Variants in RSRC2 observed in about 807,000 individuals in gnomAD.
RSRC2 encodes arginine/serine-rich coiled-coil protein 2.
In RSRC2, 5 loss-of-function variants were observed where a neutral mutation model predicts 61.3. The ratio of observed to expected loss-of-function variants is 0.08; its 90% CI spans 0.04 to 0.17. The LOEUF (loss-of-function observed/expected upper bound fraction) is 0.17, where lower values mean the gene tolerates loss of function less well. Ranked by LOEUF, RSRC2 falls within the 10% of genes least tolerant of loss-of-function variation. The pLI, the probability that RSRC2 is intolerant of heterozygous loss-of-function variation, is 1.00. For synonymous variants in RSRC2, 202 were observed against 166.5 expected (o/e 1.21, Z -1.64); for missense variants, 381 against 518.8 (o/e 0.73, Z 2.58).
chr12:122,511,139 C>T lies in RSRC2; in HGVS notation c.775G>A (p.Glu259Lys). The change falls in exon 7 of 10, where the codon GAA becomes AAA. Residue 259 changes from glutamate (E) to lysine (K), a missense_variant. Physicochemically the swap from Glu to Lys is moderately conservative, Grantham distance 56. Coordinates refer to ENST00000331738, the MANE Select transcript of RSRC2 (RefSeq NM_023012.6). ...LQEQREKEMV[E>K]KQKQQEIAAA... ...GCTATTTCTTGTTGTTTTTGTTTTT[C>T]AACCATTTCCTTTTCTCGCTGTTCT... is the stretch of plus-strand genomic sequence containing the variant. 1 of 1,607,140 alleles carries T rather than the reference C, an allele frequency of 6.2e-7. No individual in the cohort carries two copies. The highest frequency in any genetic ancestry group is 1.1e-5 in the South Asian group (1 of 90,316).
At chr12:122,525,371 C>A (rs183823041) in intron 1 of RSRC2, among the ~76,000 whole-genome samples, 4 of 152,012 alleles carry the variant, frequency 2.6e-5, no homozygotes, top group Admixed American at 2.6e-4. Flanking sequence ...AGCAAAACTC[C>A]GTCTCGAAAA....
At chr12:122,515,306 A>T in intron 5 of RSRC2, 79 bp from the exon 6 acceptor site, 1 of 1,404,494 alleles carries the variant, frequency 7.1e-7, no homozygotes, top group East Asian at 2.3e-5. Context: ...ATTAGTTCAA[A>T]CAAAAATCCC....
chr12:122,520,679 A>C, intron 3 of RSRC2: 1 of 805,480 alleles, frequency 1.2e-6, no homozygotes, highest in Non-Finnish European at 1.9e-6. Context: ...CAGAGCTTCC[A>C]TTACGGGAAG....
At chr12:122,524,650 C>G (rs1959789961) in intron 1 of RSRC2, among the ~76,000 whole-genome samples, 1 of 152,130 alleles carries the variant, frequency 6.6e-6, no homozygotes, top group African/African-American at 2.4e-5. Context: ...AGAGCAACAA[C>G]AAAAACCATC....
At chr12:122,516,841 G>T (rs1958968654) in intron 5 of RSRC2, among the ~76,000 whole-genome samples, 1 of 151,978 alleles carries the variant, frequency 6.6e-6, no homozygotes, top group Non-Finnish European at 1.5e-5. Flanking sequence ...CATAGGTGTG[G>T]GTCATCACCC....
Position 122,526,918 on chromosome 12 carries a change from C to T in RSRC2, c.-65G>A, listed in dbSNP as rs1021800026. ...TCGCTTTCAACAGTACCGGCCGCTC[C>T]GAAGCTTCGCCTCAGACTAAATCGC... On this transcript the variant is annotated 5_prime_UTR_variant, in exon 1 of 10. Coordinates refer to ENST00000331738, the MANE Select transcript of RSRC2 (RefSeq NM_023012.6). 2.1e-5 allele frequency: 33 copies of T among 1,597,936 alleles called. No homozygotes were observed. The highest frequency in any genetic ancestry group is 2.2e-5 in the Non-Finnish European group (26 of 1,165,656).
chr12:122,505,810 G>C, intron 9 of RSRC2, 104 bp from the exon 10 acceptor site: 3 of 982,214 alleles, frequency 3.1e-6, no homozygotes, highest in Non-Finnish European at 4.4e-6. Context: ...ATGGAGTCTT[G>C]CTCTGTTGTC....
intron 5 of RSRC2, among the ~76,000 whole-genome samples, chr12:122,516,998 G>C (rs532193527): frequency 1.3e-5 from 2 of 152,218 alleles, no homozygotes; most frequent in East Asian, 1.9e-4. Context: ...CATTTTAATA[G>C]GCCTATTCAT....
At chr12:122,517,189 G>T (rs1208910082) in intron 5 of RSRC2, 38 bp downstream of exon 5, 1 of 1,612,332 alleles carries the variant, frequency 6.2e-7, no homozygotes, top group Admixed American at 1.7e-5. Flanking sequence ...ACTCTCTGAG[G>T]GTCCTATTAA....
chr12:122,521,023 C>T (rs1406104520), intron 3 of RSRC2: 4 of 238,138 alleles, frequency 1.7e-5, no homozygotes, highest in Non-Finnish European at 3.3e-5. Flanking sequence ...TAGGGTATTG[C>T]TATGTAAAGA....
At chr12:122,507,906 T>C (rs1279898759) in intron 8 of RSRC2, 1 of 395,086 alleles carries the variant, frequency 2.5e-6, no homozygotes, top group Middle Eastern at 8.1e-4. Flanking sequence ...GCTCAAGCGA[T>C]TCTCCTGCCT....
chr12:122,515,819 G>A (rs1958869196), intron 5 of RSRC2, among the ~76,000 whole-genome samples: 1 of 152,026 alleles, frequency 6.6e-6, no homozygotes, highest in Non-Finnish European at 1.5e-5. Flanking sequence ...GTGAAACCCC[G>A]TCTCTACAAA....
chr12:122,523,458 G>A (rs1222939950), intron 1 of RSRC2: 1 of 152,248 alleles, frequency 6.6e-6, no homozygotes, highest in East Asian at 1.9e-4. Flanking sequence ...AGACGTTGAA[G>A]TGAGCTAAGA....
Position 122,503,914 on chromosome 12 carries a change from CT to C in RSRC2, c.*1612del, listed in dbSNP as rs997390001. ...CCTGGGCAACGTAACAAGACCTTGT[CT>C]TTATAAAAAATTAAAAACAAGCTAG... is the stretch of plus-strand genomic sequence containing the variant. On this transcript the variant is annotated 3_prime_UTR_variant, in exon 10 of 10. Coordinates refer to ENST00000331738, the MANE Select transcript of RSRC2 (RefSeq NM_023012.6). The C allele has an allele frequency of 1.1e-4, 16 of 152,138 alleles. No individual in the cohort carries two copies. The highest frequency in any genetic ancestry group is 3.6e-4 in the African/African-American group (15 of 41,494). The allele number at this position is 152,138 out of a possible 1,614,324, so 9.4% of individuals were successfully genotyped here. A position where few individuals can be genotyped will look rare whatever the true frequency, so the allele number is the denominator to read the frequency against.
intron 1 of RSRC2, among the ~76,000 whole-genome samples, chr12:122,526,607 G>C (rs981574267): frequency 6.6e-6 from 1 of 151,990 alleles, no homozygotes; most frequent in African/African-American, 2.4e-5. Context: ...ACGTAGGGTT[G>C]GGGAAGAGAG....
chr12:122,513,227 A>ATAAT (rs1958655707), intron 6 of RSRC2, among the ~76,000 whole-genome samples: 1 of 95,824 alleles, frequency 1.0e-5, no homozygotes, highest in Admixed American at 1.0e-4. Flanking sequence ...AAATAAATAA[A>ATAAT]TAAATAAATA....
In RSRC2 at chr12:122,518,391, G is replaced by A. The variant is rs181620444; in HGVS notation, c.398+448C>T. On this transcript the variant is annotated intron_variant, in intron 4 of 9. Coordinates refer to ENST00000331738, the MANE Select transcript of RSRC2 (RefSeq NM_023012.6). ...GTGGATCACCTGAGGTCAGGAGTTC[G>A]AGACCAGCCTGGCCAACATGGCGAA... 1.4e-4 allele frequency among the ~76,000 whole-genome samples: 21 copies of A among 152,092 alleles called. No homozygotes were observed. In the East Asian group the frequency reaches 3.1e-3, roughly 22 times the overall value.
Position 122,507,302 on chromosome 12 carries a change from A to C in RSRC2, c.1036-379T>G, listed in dbSNP as rs1452691105. On this transcript the variant is annotated intron_variant, in intron 8 of 9. Coordinates refer to ENST00000331738, the MANE Select transcript of RSRC2 (RefSeq NM_023012.6). ...GAGTCTGAGGCAGGAGAATTGCTTG[A>C]ACCTGGGAGGCAGAGGTTGCAGTGA... is the stretch of plus-strand genomic sequence containing the variant. 3 of 244,952 alleles carry C rather than the reference A, an allele frequency of 1.2e-5. No homozygotes were observed. In the East Asian group the frequency reaches 3.4e-4, roughly 28 times the overall value. 15.2% of individuals were successfully genotyped at this position (244,952 alleles called of 1,614,324 possible). A position where few individuals can be genotyped will look rare whatever the true frequency, so the allele number is the denominator to read the frequency against.
chr12:122,522,165 T>G lies in RSRC2; in HGVS notation c.141A>C (p.Ser47=). The change falls in exon 2 of 10, where the codon TCA becomes TCC. Residue 47 remains serine, a synonymous_variant. Transcript: ENST00000331738. ...KHHYSRSRSR[S]RERKRKSDNE... ...TACCTGACTTTCGTTTTCTTTCTCTTGACCTTGATCGTGATCTTGAATAAT... is the reference window on the plus strand; with the variant it reads ...TACCTGACTTTCGTTTTCTTTCTCTGGACCTTGATCGTGATCTTGAATAAT... 6.2e-7 allele frequency: 1 copy of G among 1,612,112 alleles called. No individual in the cohort carries two copies.
Sources: allele counts gnomAD v4.1 joint callset (sites outside exome capture counted in the v4.1 genomes callset), GRCh38; gene constraint gnomAD v4.1.1; transcripts MANE v1.5; gene names NCBI Gene and HGNC (gene_info 2026-07-23, HGNC 2026-07-21).